The following SLC8A3 variants were observed in gnomAD, a reference collection of about 807,000 sequenced individuals.
The protein encoded by SLC8A3 is solute carrier family 8 member A3, also known as sodium/calcium exchanger 3.
A neutral mutation model predicts 65.4 loss-of-function variants in SLC8A3; 37 were observed. The observed-to-expected ratio is 0.57, with a 90% CI of 0.44 to 0.74. The LOEUF (loss-of-function observed/expected upper bound fraction) is 0.74. SLC8A3 is among the 30% of genes least tolerant of loss of function. The pLI, the probability that SLC8A3 is intolerant of heterozygous loss-of-function variation, is 0.00. For synonymous variants in SLC8A3, 461 were observed against 444.5 expected (o/e 1.04, Z -0.47); for missense variants, 1,112 against 1,172.1 (o/e 0.95, Z 0.75).
At chr14:70,123,834 T>A (rs760052662) in intron 2 of SLC8A3, among the ~76,000 whole-genome samples, 3 of 152,184 alleles carry the variant, frequency 2.0e-5, no homozygotes, top group Non-Finnish European at 4.4e-5. Context: ...TGACCTCCAT[T>A]TTTTCTGACA....
intron 3 of SLC8A3, among the ~76,000 whole-genome samples, chr14:70,057,615 T>C (rs1271711094): frequency 6.6e-6 from 1 of 152,192 alleles, no homozygotes; most frequent in African/African-American, 2.4e-5. Flanking sequence ...TCAGCAGTTA[T>C]AGATGGGTCA....
intron 2 of SLC8A3, among the ~76,000 whole-genome samples, chr14:70,113,107 T>A (rs1300893389): frequency 1.3e-5 from 2 of 152,126 alleles, no homozygotes; most frequent in African/African-American, 4.8e-5. Context: ...GGGACAGTCT[T>A]GAGATATAGT....
chr14:70,182,580 C>T (rs768472165), intron 1 of SLC8A3, among the ~76,000 whole-genome samples: 27 of 151,598 alleles, frequency 1.8e-4, no homozygotes, highest in Non-Finnish European at 2.9e-4. Flanking sequence ...GGGAGGACAG[C>T]GGGCAGCTCT....
chr14:70,142,481 CTAGAAG>C (rs1293885213), intron 2 of SLC8A3, among the ~76,000 whole-genome samples: 34 of 152,170 alleles, frequency 2.2e-4, no homozygotes, highest in Non-Finnish European at 2.6e-4. Flanking sequence ...TAATTCTTTG[CTAGAAG>C]GAGTGTAAGA....
chr14:70,178,699 T>C (rs182147315), intron 1 of SLC8A3, among the ~76,000 whole-genome samples: 2 of 152,354 alleles, frequency 1.3e-5, no homozygotes, highest in East Asian at 1.9e-4. Context: ...ATCACAGTTG[T>C]AGGTTCTTTG....
chr14:70,098,109 A>G (rs1267386118), intron 2 of SLC8A3, among the ~76,000 whole-genome samples: 2 of 152,140 alleles, frequency 1.3e-5, no homozygotes, highest in African/African-American at 4.8e-5. Flanking sequence ...GGGCCAACTA[A>G]GCTCATGGAA....
intron 2 of SLC8A3, among the ~76,000 whole-genome samples, chr14:70,162,870 C>T (rs1896966844): frequency 6.6e-6 from 1 of 152,196 alleles, no homozygotes; most frequent in Non-Finnish European, 1.5e-5. Flanking sequence ...CCCCACTTCA[C>T]CTCTGTCACT....
At chr14:70,110,863 G>A (rs1221429967) in intron 2 of SLC8A3, among the ~76,000 whole-genome samples, 2 of 151,490 alleles carry the variant, frequency 1.3e-5, no homozygotes, top group African/African-American at 4.9e-5. Context: ...TGTATTTTTA[G>A]TAGAGACGGG....
At chr14:70,058,264 T>C (rs888246068) in intron 3 of SLC8A3, among the ~76,000 whole-genome samples, 1 of 152,242 alleles carries the variant, frequency 6.6e-6, no homozygotes, top group African/African-American at 2.4e-5. Context: ...GTTCTGTTTC[T>C]CACTCTGAGA....
At chr14:70,132,283 C>G (rs1894888641) in intron 2 of SLC8A3, among the ~76,000 whole-genome samples, 1 of 152,222 alleles carries the variant, frequency 6.6e-6, no homozygotes, top group Non-Finnish European at 1.5e-5. Flanking sequence ...GAAAATGCTG[C>G]AGCCTTCACT....
At chr14:70,133,017 CA>C (rs1894952520) in intron 2 of SLC8A3, among the ~76,000 whole-genome samples, 1 of 149,092 alleles carries the variant, frequency 6.7e-6, no homozygotes, top group Non-Finnish European at 1.5e-5. Flanking sequence ...TAAACCCCCC[CA>C]AAAACACCCC....
chr14:70,103,161 G>A (rs1892646010), intron 2 of SLC8A3, among the ~76,000 whole-genome samples: 1 of 151,962 alleles, frequency 6.6e-6, no homozygotes. Flanking sequence ...AAGAGTATAA[G>A]AGAAAACTGC....
intron 2 of SLC8A3, among the ~76,000 whole-genome samples, chr14:70,163,600 T>C (rs1295171121): frequency 1.3e-5 from 2 of 152,354 alleles, no homozygotes; most frequent in South Asian, 2.1e-4. Flanking sequence ...CAGACTGGTG[T>C]GGCAATTAGC....
chr14:70,170,138 C>T (rs1897428544), intron 1 of SLC8A3, among the ~76,000 whole-genome samples: 1 of 152,160 alleles, frequency 6.6e-6, no homozygotes, highest in Non-Finnish European at 1.5e-5. Flanking sequence ...CATATCGCTC[C>T]CCTGTTTGAA....
intron 2 of SLC8A3, among the ~76,000 whole-genome samples, chr14:70,120,827 G>C (rs534507647): frequency 6.6e-6 from 1 of 152,318 alleles, no homozygotes; most frequent in Non-Finnish European, 1.5e-5. Flanking sequence ...ACACCGTGCT[G>C]GGTACTGGAG....
At position 70,096,516 on chromosome 14, in the gene SLC8A3, AT is replaced by A. The variant is rs1892189701; in HGVS notation, c.1785-35578del. On this transcript the variant is annotated intron_variant, in intron 2 of 6. Coordinates refer to ENST00000356921, the MANE Select transcript of SLC8A3 (RefSeq NM_182932.3). ...TGTTTTCAAGTAGGAGGCAATATAG[AT>A]TGGTGATTAAGAGCACAGGTCCCAG... Among the ~76,000 whole-genome samples, 9 of 152,262 alleles carry A rather than the reference AT, an allele frequency of 5.9e-5. No homozygotes were observed. In the South Asian group the frequency reaches 1.9e-3, roughly 32 times the overall value.
intron 2 of SLC8A3, among the ~76,000 whole-genome samples, chr14:70,105,889 C>T (rs998605371): frequency 2.0e-5 from 3 of 151,330 alleles, no homozygotes; most frequent in East Asian, 1.9e-4. Flanking sequence ...GATAACACAT[C>T]GATGACCAAG....
At chr14:70,130,013 G>A (rs1343884438) in intron 2 of SLC8A3, among the ~76,000 whole-genome samples, 2 of 152,198 alleles carry the variant, frequency 1.3e-5, no homozygotes, top group Non-Finnish European at 2.9e-5. Flanking sequence ...GTCACCAGCA[G>A]TATTTCCTCC....
rs143961622 is a variant in SLC8A3, at chr14:70,116,368, C to T, written c.1784+50271G>A. On this transcript the variant is annotated intron_variant, in intron 2 of 6. Coordinates refer to ENST00000356921, the MANE Select transcript of SLC8A3 (RefSeq NM_182932.3). ...GTGTGTGTGTGTGTATGTGTGTGCA[C>T]GTTTGTGTGCAGGGTGGAACGGGAA... Among the ~76,000 whole-genome samples, 60 of 142,662 alleles carry T rather than the reference C, an allele frequency of 4.2e-4. No homozygotes were observed. In the East Asian group the frequency reaches 9.2e-3, roughly 22 times the overall value. The allele number at this position is 142,662 out of a possible 152,430, so 93.6% of individuals were successfully genotyped here.
Sources: gnomAD v4.1 joint callset for allele counts (sites outside exome capture counted in the v4.1 genomes callset) on GRCh38, gnomAD v4.1.1 for gene constraint, MANE v1.5 for transcripts, NCBI Gene and HGNC (gene_info 2026-07-23, HGNC 2026-07-21) for gene names.